MRPS35: variants seen among roughly 807,000 people sequenced by gnomAD.
The protein encoded by MRPS35 is small ribosomal subunit protein mS35.
A neutral mutation model predicts 32.7 loss-of-function variants in MRPS35; 29 were observed. That is an observed-to-expected ratio of 0.89 (90% CI 0.66 to 1.21). The LOEUF is 1.21. Among genes scored for constraint, MRPS35 ranks in the 50% most tolerant of loss-of-function variants. The pLI is 0.00. For synonymous variants in MRPS35, 148 were observed against 139.3 expected, an observed-to-expected ratio of 1.06 and a Z score of -0.44; for missense variants, 373 against 383.8, an observed-to-expected ratio of 0.97 and a Z score of 0.23.
chr12:27,723,997 T>A, intron 4 of MRPS35, 50 bp from the exon 5 acceptor site: 2 of 1,586,444 alleles, frequency 1.3e-6, no homozygotes, highest in Non-Finnish European at 1.7e-6. Flanking sequence ...TGCATTACAA[T>A]GAGAATTTAC....
At chr12:27,726,573 T>C (rs2061901509) in intron 5 of MRPS35, among the ~76,000 whole-genome samples, 1 of 152,158 alleles carries the variant, frequency 6.6e-6, no homozygotes, top group South Asian at 2.1e-4. Context: ...CAAACTGTTT[T>C]TGAAAAACAA....
chr12:27,735,452 G>A lies in MRPS35; in HGVS notation c.528G>A (p.Lys176=), dbSNP rs200729530. The A allele has an allele frequency of 2.5e-6, 4 of 1,601,010 alleles. No individual in the cohort carries two copies. Among genetic ancestry groups the A allele is most frequent in the African/African-American group, 1.3e-5 (1 of 74,296 alleles). The change falls in exon 6 of 8, where the codon AAG becomes AAA. Residue 176 remains lysine, a synonymous_variant. Transcript: ENST00000081029. The part of the protein sequence containing the change: ...PRARVVVLRV[K]LSSLNLDDHA... ...TAACTTTTCTTATTTTTAAGGTAAA[G>A]CTTTCCAGTTTGAATTTAGATGATC...
At chr12:27,725,976 T>G (rs1249758033) in intron 5 of MRPS35, among the ~76,000 whole-genome samples, 3 of 151,678 alleles carry the variant, frequency 2.0e-5, no homozygotes, top group South Asian at 2.1e-4. Flanking sequence ...GCCTGGCCAA[T>G]TTTTTTGAAT....
chr12:27,738,661 A>T (rs2140774079), intron 7 of MRPS35, among the ~76,000 whole-genome samples: 1 of 152,276 alleles, frequency 6.6e-6, no homozygotes, highest in East Asian at 1.9e-4. Flanking sequence ...AACACAGGGG[A>T]CTCAATAGCA....
At chr12:27,750,124 C>A (rs951820794) in intron 7 of MRPS35, among the ~76,000 whole-genome samples, 1 of 152,118 alleles carries the variant, frequency 6.6e-6, no homozygotes, top group Non-Finnish European at 1.5e-5. Flanking sequence ...TTTGTTCATT[C>A]CATTTAGTGT....
intron 2 of MRPS35, among the ~76,000 whole-genome samples, chr12:27,715,662 T>C (rs1030642659): frequency 1.3e-5 from 2 of 152,240 alleles, no homozygotes; most frequent in African/African-American, 2.4e-5. Context: ...TTCTAGGATA[T>C]TGACTACACT....
At chr12:27,720,533 C>A (rs2061869564) in intron 4 of MRPS35, among the ~76,000 whole-genome samples, 1 of 151,714 alleles carries the variant, frequency 6.6e-6, no homozygotes. Flanking sequence ...TGTGGTAAAT[C>A]AAATAGTAAA....
In MRPS35 at chr12:27,714,768, T is replaced by G; in HGVS notation, c.113-12T>G. ...AATTCTCTTTAACTACTGTGTTATC[T>G]TTTACGTACAGCGGAAAGAACACCC... On this transcript the variant is annotated splice_polypyrimidine_tract_variant and intron_variant, in intron 1 of 7. Coordinates refer to ENST00000081029, the MANE Select transcript of MRPS35 (RefSeq NM_021821.4). 6.2e-7 allele frequency: 1 copy of G among 1,604,598 alleles called. No individual in the cohort carries two copies. Among genetic ancestry groups the G allele is most frequent in the Non-Finnish European group, 8.5e-7 (1 of 1,172,674 alleles).
intron 7 of MRPS35, among the ~76,000 whole-genome samples, chr12:27,745,229 A>G (rs997791606): frequency 2.6e-5 from 4 of 152,236 alleles, no homozygotes; most frequent in African/African-American, 9.6e-5. Flanking sequence ...AAGGTGAAGA[A>G]TCAAACAGCT....
chr12:27,747,474 A>AAAATTTAGCTTTGG (rs138934320), intron 7 of MRPS35, among the ~76,000 whole-genome samples: 12,856 of 152,234 alleles, frequency 0.084, 889 homozygotes, highest in Admixed American at 0.22. Flanking sequence ...GACATAGTTA[A>AAAATTTAGCTTTGG]AAATTTAGCT....
intron 2 of MRPS35, among the ~76,000 whole-genome samples, 182 bp from the exon 3 acceptor site, chr12:27,716,109 G>T (rs2061849283): frequency 1.3e-5 from 2 of 152,158 alleles, no homozygotes; most frequent in Admixed American, 6.6e-5. Context: ...AGATATTTAG[G>T]TAGATTTAGT....
intron 7 of MRPS35, among the ~76,000 whole-genome samples, chr12:27,743,324 T>C (rs2061970932): frequency 6.6e-6 from 1 of 151,856 alleles, no homozygotes; most frequent in Non-Finnish European, 1.5e-5. Context: ...GGTCAGGAGT[T>C]TGAGACCAGC....
In MRPS35 at chr12:27,735,561, T is replaced by C; in HGVS notation, c.632+5T>C. On this transcript the variant is annotated splice_donor_5th_base_variant and intron_variant, in intron 6 of 7. Coordinates refer to ENST00000081029, the MANE Select transcript of MRPS35 (RefSeq NM_021821.4). ...GCTTACCATCAAAACAGATAGGTAA[T>C]GGAAAAAATGTTCAGCCGACTGGTC... is the stretch of plus-strand genomic sequence containing the variant. 1 of 1,598,664 alleles carries C rather than the reference T, an allele frequency of 6.3e-7. No individual in the cohort carries two copies. Among genetic ancestry groups the C allele is most frequent in the South Asian group, 1.1e-5 (1 of 89,182 alleles).
intron 3 of MRPS35, among the ~76,000 whole-genome samples, chr12:27,719,118 C>G (rs921796370): frequency 6.6e-6 from 1 of 151,978 alleles, no homozygotes; most frequent in Non-Finnish European, 1.5e-5. Flanking sequence ...CAAAAATCCA[C>G]GTGCTTAAGT....
Position 27,737,586 on chromosome 12 carries a change from C to T in MRPS35, c.680C>T (p.Thr227Ile), listed in dbSNP as rs148546654. 1 of 1,610,364 alleles carries T rather than the reference C, an allele frequency of 6.2e-7. No homozygotes were observed. The highest frequency in any genetic ancestry group is 8.5e-7 in the Non-Finnish European group (1 of 1,176,976). ...TACGATTATGCAGTGTATCTACTAA[C>T]AGTGTTATACCATGAGTCTTGGGTA... ...QNYDYAVYLL[T>I]VLYHESWNTE... Residue 227 changes from threonine to isoleucine, a missense_variant, in exon 7 of 8, where the codon ACA (threonine) becomes ATA (isoleucine). Transcript: ENST00000081029.
At chr12:27,742,967 C>A (rs992766266) in intron 7 of MRPS35, among the ~76,000 whole-genome samples, 2 of 151,950 alleles carry the variant, frequency 1.3e-5, no homozygotes, top group African/African-American at 2.4e-5. Flanking sequence ...CTCAGACGAT[C>A]CTCTCACCTC....
At chr12:27,728,792 C>T (rs2061910187) in intron 5 of MRPS35, among the ~76,000 whole-genome samples, 1 of 152,090 alleles carries the variant, frequency 6.6e-6, no homozygotes, top group Non-Finnish European at 1.5e-5. Context: ...GAATTTGCCC[C>T]ATTGCATCTG....
rs544890345 is a variant in MRPS35, at chr12:27,747,339, G to A, written c.703-7842G>A. ...TTATTACATATAATTGCCTGTATAC[G>A]TGTCTGCTCACCCCATTAGACTGTG... On this transcript the variant is annotated intron_variant, in intron 7 of 7. Coordinates refer to ENST00000081029, the MANE Select transcript of MRPS35 (RefSeq NM_021821.4). 7.3e-4 allele frequency among the ~76,000 whole-genome samples: 111 copies of A among 151,974 alleles called. 1 individual carries two copies. The highest frequency in any genetic ancestry group is 2.4e-3 in the African/African-American group (98 of 41,412).
chr12:27,719,251 CA>C (rs2061863249), intron 3 of MRPS35, among the ~76,000 whole-genome samples: 1 of 152,156 alleles, frequency 6.6e-6, no homozygotes, highest in Non-Finnish European at 1.5e-5. Flanking sequence ...TGGTAAAAGA[CA>C]AAAGATTTAT....
Sources: allele counts gnomAD v4.1 joint callset (sites outside exome capture counted in the v4.1 genomes callset), GRCh38; gene constraint gnomAD v4.1.1; transcripts MANE v1.5; gene names NCBI Gene and HGNC (gene_info 2026-07-23, HGNC 2026-07-21).